COPB1: variants seen among roughly 807,000 people sequenced by gnomAD.
COPB1 encodes coatomer subunit beta.
A neutral mutation model predicts 108.7 loss-of-function variants in COPB1; 21 were observed. The ratio of observed to expected loss-of-function variants is 0.19; its 90% CI spans 0.14 to 0.28. COPB1 has a LOEUF of 0.28. COPB1 is among the 10% of genes least tolerant of loss of function. The pLI, the probability that COPB1 is intolerant of heterozygous loss-of-function variation, is 1.00. For missense variants in COPB1, 919 were observed against 1,141.3 expected, an observed-to-expected ratio of 0.81 and a Z score of 2.81; for synonymous variants, 378 against 386.8, an observed-to-expected ratio of 0.98 and a Z score of 0.27.
intron 3 of COPB1, among the ~76,000 whole-genome samples, 178 bp from the exon 4 acceptor site, chr11:14,493,989 ATG>A (rs1363528133): frequency 6.6e-6 from 1 of 152,194 alleles, no homozygotes; most frequent in Non-Finnish European, 1.5e-5. Context: ...AATGTCTTAT[ATG>A]TGTGTCACTG....
Position 14,466,393 on chromosome 11 carries a change from A to G in COPB1, c.2179T>C (p.Tyr727His). Residue 727 changes from tyrosine to histidine, a missense_variant, in exon 17 of 22, where the codon TAT (tyrosine) becomes CAT (histidine). By Grantham distance (83) the Tyr-to-His change is moderately conservative. Coordinates refer to ENST00000439561, the MANE Select transcript of COPB1 (RefSeq NM_001144061.2). ...TTGACATGAACGTAAGCTTCTGCAT[A>G]TACAGGATCTGAGAAACCTGTCAAT... is the stretch of plus-strand genomic sequence containing the variant. ...TQLTGFSDPV[Y>H]AEAYVHVNQY... is the part of the protein sequence containing the mutation. The G allele has an allele frequency of 6.2e-7, 1 of 1,612,826 alleles. No individual in the cohort carries two copies. Among genetic ancestry groups the G allele is most frequent in the Non-Finnish European group, 8.5e-7 (1 of 1,179,552 alleles).
chr11:14,466,283 T>C lies in COPB1; in HGVS notation c.2289A>G (p.Leu763=), dbSNP rs1850278430. ...TTCCTGAATGGTAAGTTTCCTCACCTAGTGTAGCTAGTTCTAATGTGCAAT... is the reference window on the plus strand; with the variant it reads ...TTCCTGAATGGTAAGTTTCCTCACCCAGTGTAGCTAGTTCTAATGTGCAAT... ...LQNCTLELAT[L]GDLKLVEKPS... is the part of the protein sequence containing the mutation. Residue 763 remains leucine (L), a splice_region_variant and synonymous_variant, in exon 17 of 22, where the codon CTA becomes CTG. Transcript: ENST00000439561. 6.2e-7 allele frequency: 1 copy of C among 1,612,954 alleles called. No homozygotes were observed. Among genetic ancestry groups the C allele is most frequent in the South Asian group, 1.1e-5 (1 of 91,022 alleles).
intron 2 of COPB1, among the ~76,000 whole-genome samples, chr11:14,496,455 A>AC (rs1489758003): frequency 2.0e-5 from 3 of 152,164 alleles, no homozygotes; most frequent in Non-Finnish European, 4.4e-5. Context: ...CATTTACAAT[A>AC]CCCACAGATA....
Position 14,481,207 on chromosome 11 carries a change from C to A in COPB1, c.958-110G>T, listed in dbSNP as rs1208510141. The A allele has an allele frequency of 5.6e-5, 44 of 783,136 alleles. No homozygotes were observed. The East Asian group carries it at 1.1e-3, about 20-fold the overall frequency. The allele number at this position is 783,136 out of a possible 1,614,324, so 48.5% of individuals were successfully genotyped here. ...TCTATCATCACTTTAATTCTTTAATCAATAACAAAACCACTAGTGGTGGAA... is the reference window on the plus strand; with the variant it reads ...TCTATCATCACTTTAATTCTTTAATAAATAACAAAACCACTAGTGGTGGAA... On this transcript the variant is annotated intron_variant, in intron 8 of 21. Transcript: ENST00000439561.
chr11:14,496,683 A>T (rs1219882190), intron 2 of COPB1, among the ~76,000 whole-genome samples: 1 of 83,422 alleles, frequency 1.2e-5, no homozygotes, highest in Non-Finnish European at 2.4e-5. Context: ...CATTCTTCAC[A>T]GAAAAAAAAA....
chr11:14,477,778 G>A (rs1850560361), intron 11 of COPB1, among the ~76,000 whole-genome samples: 1 of 151,608 alleles, frequency 6.6e-6, no homozygotes, highest in South Asian at 2.1e-4. Context: ...CGCACCTGTA[G>A]TCCAGATACT....
At chr11:14,470,931 C>T (rs1490531698) in intron 14 of COPB1, among the ~76,000 whole-genome samples, 1 of 133,682 alleles carries the variant, frequency 7.5e-6, no homozygotes, top group African/African-American at 3.5e-5. Flanking sequence ...CACACACACA[C>T]ACACACACAC....
rs573175641 is a variant in COPB1, at chr11:14,466,531, G to A, written c.2146-105C>T. 5.1e-6 allele frequency: 6 copies of A among 1,171,456 alleles called. No homozygotes were observed. The East Asian group carries it at 1.2e-4, about 24-fold the overall frequency. 72.6% of individuals were successfully genotyped at this position (1,171,456 alleles called of 1,614,324 possible). A position where few individuals can be genotyped will look rare whatever the true frequency, so the allele number is the denominator to read the frequency against. On this transcript the variant is annotated intron_variant, in intron 16 of 21. Transcript: ENST00000439561. ...GGTAGGTTATTAACAGAGTTGCTTA[G>A]AAGTCATTTTGAGATAGGTAAAATA...
chr11:14,494,056 A>G (rs1224198189), intron 3 of COPB1, among the ~76,000 whole-genome samples, 154 bp downstream of exon 3: 1 of 152,232 alleles, frequency 6.6e-6, no homozygotes, highest in Non-Finnish European at 1.5e-5. Flanking sequence ...AAAAGTGACA[A>G]TAAAACTTTT....
intron 19 of COPB1, among the ~76,000 whole-genome samples, chr11:14,460,674 T>C (rs570721425): frequency 1.8e-4 from 28 of 152,118 alleles, no homozygotes; most frequent in African/African-American, 6.7e-4. Flanking sequence ...GGGCTAATTT[T>C]TGTATTTTTT....
chr11:14,477,616 C>G (rs1248622363), intron 11 of COPB1, among the ~76,000 whole-genome samples: 1 of 150,616 alleles, frequency 6.6e-6, no homozygotes, highest in Non-Finnish European at 1.5e-5. Flanking sequence ...TCCTTGAGGC[C>G]GGGCACAGTG....
intron 17 of COPB1, among the ~76,000 whole-genome samples, chr11:14,465,826 A>G (rs949413703): frequency 2.8e-5 from 4 of 144,162 alleles, no homozygotes; most frequent in Non-Finnish European, 4.5e-5. Flanking sequence ...GGAAGTAAGC[A>G]GTCTGACCCA....
chr11:14,476,686 T>G (rs1347753739), intron 12 of COPB1, among the ~76,000 whole-genome samples: 1 of 152,024 alleles, frequency 6.6e-6, no homozygotes, highest in Admixed American at 6.6e-5. Flanking sequence ...TGCATAAATA[T>G]TCTGAAGTCA....
At position 14,480,701 on chromosome 11, in the gene COPB1, T is replaced by C. The variant is rs1850642185; in HGVS notation, c.1212+58A>G. 3.9e-6 allele frequency: 6 copies of C among 1,529,068 alleles called. No homozygotes were observed. In the Admixed American group the frequency reaches 5.6e-5, roughly 14 times the overall value. The allele number at this position is 1,529,068 out of a possible 1,614,324, so 94.7% of individuals were successfully genotyped here. ...ATTTCTGGAGTTTGTCAAATAACTA[T>C]ATTTTTTAAAAAATTCTTTTAGATA... On this transcript the variant is annotated intron_variant, in intron 10 of 21. Coordinates refer to ENST00000439561, the MANE Select transcript of COPB1 (RefSeq NM_001144061.2).
In COPB1 at chr11:14,474,725, T is replaced by G. The variant is rs1049756430; in HGVS notation, c.1617-110A>C. 5 of 1,431,032 alleles carry G rather than the reference T, an allele frequency of 3.5e-6. No homozygotes were observed. The African/African-American group carries it at 7.1e-5, about 20-fold the overall frequency. The allele number at this position is 1,431,032 out of a possible 1,614,324, so 88.6% of individuals were successfully genotyped here. On this transcript the variant is annotated intron_variant, in intron 13 of 21. Transcript: ENST00000439561. Reference sequence around the variant, plus strand: ...AAACACTCTTATTACCATCCTTCAGTGATAAGGATACCTTAGCTAACTAAC... The same window carrying G: ...AAACACTCTTATTACCATCCTTCAGGGATAAGGATACCTTAGCTAACTAAC...
In COPB1 at chr11:14,488,287, G is replaced by T. The variant is rs906430389; in HGVS notation, c.699+205C>A. Among the ~76,000 whole-genome samples the T allele has an allele frequency of 3.3e-5, 5 of 152,278 alleles. No individual in the cohort carries two copies. In the South Asian group the frequency reaches 8.3e-4, roughly 25 times the overall value. On this transcript the variant is annotated intron_variant, in intron 6 of 21. Transcript: ENST00000439561. ...AATTTTTATCAAAATCTTTATGGAG[G>T]TTTAGAAAGGATATAAGCAAGTATT...
intron 4 of COPB1, 77 bp downstream of exon 4, chr11:14,493,565 G>T: frequency 7.9e-7 from 1 of 1,271,870 alleles, no homozygotes; most frequent in Non-Finnish European, 1.1e-6. Context: ...CAGTCTGCAA[G>T]CAACCACTTT....
chr11:14,460,543 G>C (rs1850122695), intron 19 of COPB1, among the ~76,000 whole-genome samples: 1 of 151,258 alleles, frequency 6.6e-6, no homozygotes, highest in Non-Finnish European at 1.5e-5. Context: ...TTTGAGACAG[G>C]GTCTCACTCT....
Position 14,465,022 on chromosome 11 carries a change from T to C in COPB1, c.2299A>G (p.Lys767Glu). ...TLELATLGDL[K>E]LVEKPSPLTL... The stretch of plus-strand genomic sequence containing the variant: ...AAAGGAGACGGCTTTTCCACAAGTT[T>C]CAGATCCCCTGAAAGAAAGAGTTTG... The change falls in exon 18 of 22, where the codon AAA becomes GAA. Residue 767 changes from lysine to glutamate, a missense_variant. Lys to Glu is a moderately conservative substitution (Grantham distance 56). Coordinates refer to ENST00000439561, the MANE Select transcript of COPB1 (RefSeq NM_001144061.2). 1 of 1,609,784 alleles carries C rather than the reference T, an allele frequency of 6.2e-7. No homozygotes were observed. Among genetic ancestry groups the C allele is most frequent in the Non-Finnish European group, 8.5e-7 (1 of 1,178,306 alleles).
Sources: allele counts gnomAD v4.1 joint callset (sites outside exome capture counted in the v4.1 genomes callset), GRCh38; gene constraint gnomAD v4.1.1; transcripts MANE v1.5; gene names NCBI Gene and HGNC (gene_info 2026-07-23, HGNC 2026-07-21).